KLHL3: variants seen among roughly 807,000 people sequenced by gnomAD.
KLHL3 encodes the protein kelch-like protein 3.
In KLHL3, 19 loss-of-function variants were observed where a neutral mutation model predicts 70.5. That is an observed-to-expected ratio of 0.27 (90% CI 0.19 to 0.40). The LOEUF (loss-of-function observed/expected upper bound fraction) is 0.40. KLHL3 is among the 10% of genes least tolerant of loss of function. The pLI is 1.00. For synonymous variants in KLHL3, 258 were observed against 290.3 expected (o/e 0.89, Z 1.13); for missense variants, 512 against 771.1 (o/e 0.66, Z 3.98).
At chr5:137,647,157 G>A (rs1295680185) in intron 8 of KLHL3, among the ~76,000 whole-genome samples, 1 of 152,184 alleles carries the variant, frequency 6.6e-6, no homozygotes, top group Admixed American at 6.5e-5. Flanking sequence ...AGATTAGTGA[G>A]CCCAAGCAAA....
chr5:137,653,823 G>T (rs969644831), intron 8 of KLHL3, among the ~76,000 whole-genome samples: 1 of 152,164 alleles, frequency 6.6e-6, no homozygotes, highest in African/African-American at 2.4e-5. Context: ...AGCTTTATTT[G>T]TAACAGCCAA....
intron 8 of KLHL3, among the ~76,000 whole-genome samples, chr5:137,640,722 T>G (rs994408247): frequency 7.8e-6 from 1 of 127,528 alleles, no homozygotes; most frequent in Non-Finnish European, 1.8e-5. Flanking sequence ...TGACAGAGGG[T>G]GAGGCCAGCC....
intron 7 of KLHL3, chr5:137,660,658 T>C (rs1208165041): frequency 6.6e-6 from 1 of 152,200 alleles, no homozygotes; most frequent in Non-Finnish European, 1.5e-5. Flanking sequence ...CTACAAGTGT[T>C]ACCAGCAGAC....
chr5:137,633,507 T>G (rs1442416333), intron 12 of KLHL3, among the ~76,000 whole-genome samples: 2 of 152,094 alleles, frequency 1.3e-5, no homozygotes, highest in East Asian at 1.9e-4. Flanking sequence ...TAAAAAGACA[T>G]GTACAGTTAT....
In KLHL3 at chr5:137,637,357, C is replaced by T; in HGVS notation, c.1258G>A (p.Glu420Lys). 1 of 1,614,054 alleles carries T rather than the reference C, an allele frequency of 6.2e-7. No homozygotes were observed. The highest frequency in any genetic ancestry group is 8.5e-7 in the Non-Finnish European group (1 of 1,179,916). Residue 420 changes from glutamate (E) to lysine (K), a missense_variant, in exon 11 of 15, where the codon GAG becomes AAG. By Grantham distance (56) the Glu-to-Lys change is moderately conservative. Coordinates refer to ENST00000309755, the MANE Select transcript of KLHL3 (RefSeq NM_017415.3). ...TTCATCGGGGCCACAAAGAACCACTCGTTGGTCTTGTAGCTGTAGGCTTCC... is the reference window on the plus strand; with the variant it reads ...TTCATCGGGGCCACAAAGAACCACTTGTTGGTCTTGTAGCTGTAGGCTTCC... ...SVEAYSYKTNEWFFVAPMNTR... is the reference protein window; with the variant it reads ...SVEAYSYKTNKWFFVAPMNTR...
Position 137,621,636 on chromosome 5 carries a change from G to C in KLHL3, c.*462C>G, listed in dbSNP as rs1750301607. 6.3e-6 allele frequency: 1 copy of C among 159,286 alleles called. No homozygotes were observed. Among genetic ancestry groups the C allele is most frequent in the Non-Finnish European group, 1.4e-5 (1 of 72,292 alleles). 9.9% of individuals were successfully genotyped at this position (159,286 alleles called of 1,614,324 possible). Reference sequence around the variant, plus strand: ...AGAAAGCAGCTTTAGTAGTCTCAGGGTCCCCATGGGACAAATCCAGAAGAG... The same window carrying C: ...AGAAAGCAGCTTTAGTAGTCTCAGGCTCCCCATGGGACAAATCCAGAAGAG... On this transcript the variant is annotated 3_prime_UTR_variant, in exon 15 of 15. Coordinates refer to ENST00000309755, the MANE Select transcript of KLHL3 (RefSeq NM_017415.3).
At chr5:137,719,719 G>A (rs547195565) in intron 2 of KLHL3, among the ~76,000 whole-genome samples, 4 of 152,266 alleles carry the variant, frequency 2.6e-5, no homozygotes, top group South Asian at 4.2e-4. Flanking sequence ...TTCTTCCACC[G>A]ATGTGGCTGT....
At chr5:137,632,588 T>C (rs1654617075) in intron 12 of KLHL3, among the ~76,000 whole-genome samples, 1 of 152,156 alleles carries the variant, frequency 6.6e-6, no homozygotes, top group Non-Finnish European at 1.5e-5. Context: ...CTTCTGGGCA[T>C]TGGCCTAGGC....
At chr5:137,723,746 T>A (rs1753040370) in intron 1 of KLHL3, among the ~76,000 whole-genome samples, 1 of 152,238 alleles carries the variant, frequency 6.6e-6, no homozygotes, top group Non-Finnish European at 1.5e-5. Context: ...CTGGCTAGGA[T>A]GGCCACACAA....
At chr5:137,629,643 T>C (rs1257846121) in intron 12 of KLHL3, 1 of 152,236 alleles carries the variant, frequency 6.6e-6, no homozygotes, top group African/African-American at 2.4e-5. Flanking sequence ...CAAGAGATAT[T>C]GCTTGAATAA....
At chr5:137,711,748 G>A (rs1418312912) in intron 2 of KLHL3, among the ~76,000 whole-genome samples, 1 of 152,138 alleles carries the variant, frequency 6.6e-6, no homozygotes, top group African/African-American at 2.4e-5. Flanking sequence ...ATATATCATG[G>A]GGGCCAAATG....
At chr5:137,671,036 C>T (rs1046422359) in intron 6 of KLHL3, among the ~76,000 whole-genome samples, 8 of 151,824 alleles carry the variant, frequency 5.3e-5, no homozygotes, top group South Asian at 2.1e-4. Context: ...AATACTGTGT[C>T]TTTATGGGAT....
chr5:137,634,049 G>A lies in KLHL3; in HGVS notation c.1438C>T (p.Arg480Cys), dbSNP rs761892651. The A allele has an allele frequency of 2.5e-6, 4 of 1,614,134 alleles. No homozygotes were observed. The highest frequency in any genetic ancestry group is 2.2e-5 in the South Asian group (2 of 91,078). The change falls in exon 12 of 15, where the codon CGC becomes TGC. Residue 480 changes from arginine (R) to cysteine (C), a missense_variant. Arg to Cys is a radical substitution (Grantham distance 180). Coordinates refer to ENST00000309755, the MANE Select transcript of KLHL3 (RefSeq NM_017415.3). The stretch of plus-strand genomic sequence containing the variant: ...GGTTCTCCCATACCTGCGCCACTGC[G>A]GCGGGTGCTCATGTCCGCCACGTAT... ...WIYVADMSTRRSGAGVGVLSG... is the reference protein window; with the variant it reads ...WIYVADMSTRCSGAGVGVLSG...
intron 1 of KLHL3, among the ~76,000 whole-genome samples, chr5:137,730,293 T>C (rs912318712): frequency 1.3e-5 from 2 of 152,154 alleles, no homozygotes; most frequent in African/African-American, 4.8e-5. Context: ...GGCACAACCC[T>C]TCATGTCCCA....
chr5:137,690,690 G>A (rs115913172), intron 5 of KLHL3, among the ~76,000 whole-genome samples: 3,216 of 152,246 alleles, frequency 0.021, 119 homozygotes, highest in African/African-American at 0.073. Flanking sequence ...AGGCTCCTGG[G>A]GTCAGGGACT....
chr5:137,641,786 C>T (rs567816206), intron 8 of KLHL3, among the ~76,000 whole-genome samples: 2 of 152,226 alleles, frequency 1.3e-5, no homozygotes, highest in East Asian at 3.9e-4. Flanking sequence ...AGTGGGTAAC[C>T]AGTGTTCAAA....
chr5:137,655,936 A>G (rs1352579728), intron 8 of KLHL3, among the ~76,000 whole-genome samples: 7 of 146,802 alleles, frequency 4.8e-5, no homozygotes, highest in Non-Finnish European at 8.9e-5. Context: ...AGCTGAAGTG[A>G]GCTGAGATCA....
chr5:137,698,329 G>A lies in KLHL3; in HGVS notation c.321C>T (p.Tyr107=), dbSNP rs918760125. ...TCACCTCGATTTCAGCAGTATAGAT[G>A]TAGTCAATCAGCTTACTCAGCGTCT... ...DGQTLSKLID[Y]IYTAEIEVTE... is the part of the protein sequence containing the mutation. The change falls in exon 4 of 15, where the codon TAC becomes TAT. Residue 107 remains tyrosine, a synonymous_variant. Coordinates refer to ENST00000309755, the MANE Select transcript of KLHL3 (RefSeq NM_017415.3). 1.2e-6 allele frequency: 2 copies of A among 1,614,080 alleles called. No individual in the cohort carries two copies. Among genetic ancestry groups the A allele is most frequent in the African/African-American group, 2.7e-5 (2 of 74,934 alleles).
intron 6 of KLHL3, among the ~76,000 whole-genome samples, chr5:137,666,422 GTC>G (rs1459140000): frequency 1.3e-5 from 2 of 152,164 alleles, no homozygotes; most frequent in African/African-American, 4.8e-5. Flanking sequence ...TACCAGCTCT[GTC>G]TCTGCACGCC....
Sources: gnomAD v4.1 joint callset for allele counts (sites outside exome capture counted in the v4.1 genomes callset) on GRCh38, gnomAD v4.1.1 for gene constraint, MANE v1.5 for transcripts, NCBI Gene and HGNC (gene_info 2026-07-23, HGNC 2026-07-21) for gene names.